Variants in RUNDC1 observed in about 807,000 individuals in gnomAD.
The protein encoded by RUNDC1 is RUN domain containing 1.
A neutral mutation model predicts 49.3 loss-of-function variants in RUNDC1; 31 were observed. The observed-to-expected ratio is 0.63, with a 90% confidence interval of 0.47 to 0.85. The LOEUF is 0.85. RUNDC1 is among the 40% of genes least tolerant of loss of function. The probability of loss-of-function intolerance (pLI) is 0.00; values close to 1 mark genes in which losing one functional copy is unlikely to be tolerated. For missense variants in RUNDC1, 715 were observed against 806.7 expected (o/e 0.89, Z 1.38); for synonymous variants, 347 against 348.6 (o/e 1.00, Z 0.05).
chr17:42,985,126 A>T (rs1029946275), intron 1 of RUNDC1, among the ~76,000 whole-genome samples: 1 of 151,970 alleles, frequency 6.6e-6, no homozygotes, highest in African/African-American at 2.4e-5. Context: ...ACCTCAGGTG[A>T]TCTGCCTGCT....
In RUNDC1 at chr17:42,989,511, C is replaced by T. The variant is rs758321386; in HGVS notation, c.828C>T (p.Asp276=). The part of the protein sequence containing the change: ...LVEQLKTQIR[D]LEMFINFIQD... ...AGCAACTGAAAACTCAGATCCGAGA[C>T]CTTGAGATGTTTATCAACTTCATCC... Residue 276 remains aspartate (D), a synonymous_variant, in exon 3 of 5, where the codon GAC becomes GAT. Coordinates refer to ENST00000361677, the MANE Select transcript of RUNDC1 (RefSeq NM_173079.5). 55 of 1,613,998 alleles carry T rather than the reference C, an allele frequency of 3.4e-5. No homozygotes were observed. The highest frequency in any genetic ancestry group is 4.0e-5 in the Non-Finnish European group (47 of 1,180,030).
rs768638303 is a variant in RUNDC1, at chr17:42,987,316, C to T, written c.559C>T (p.Leu187=). ...AAGGGAGAAGCAGAAAGAACTGATA[C>T]TGCAGCTCAAGACCCAGCTAGATGA... ...TQREKQKELI[L]QLKTQLDDLE... Residue 187 remains leucine, a synonymous_variant, in exon 2 of 5, where the codon CTG becomes TTG. Coordinates refer to ENST00000361677, the MANE Select transcript of RUNDC1 (RefSeq NM_173079.5). The T allele has an allele frequency of 1.9e-6, 3 of 1,613,988 alleles. No homozygotes were observed. The highest frequency in any genetic ancestry group is 1.1e-5 in the South Asian group (1 of 91,076).
At chr17:42,989,309 A>G in intron 2 of RUNDC1, 32 bp from the exon 3 acceptor site, 4 of 1,568,292 alleles carry the variant, frequency 2.6e-6, no homozygotes, top group Non-Finnish European at 3.5e-6. Flanking sequence ...AAAAATTCCA[A>G]AGGGTGTGCT....
intron 3 of RUNDC1, 82 bp from the exon 4 acceptor site, chr17:42,990,235 G>C (rs2050220171): frequency 1.3e-6 from 2 of 1,536,994 alleles, no homozygotes; most frequent in Non-Finnish European, 1.8e-6. Context: ...GTTTCTAATA[G>C]GCACCATTAA....
Position 42,981,094 on chromosome 17 carries a change from C to A in RUNDC1, c.498+20C>A. The A allele has an allele frequency of 6.5e-7, 1 of 1,548,178 alleles. No individual in the cohort carries two copies. The highest frequency in any genetic ancestry group is 1.2e-5 in the South Asian group (1 of 85,520). On this transcript the variant is annotated intron_variant, in intron 1 of 4. Coordinates refer to ENST00000361677, the MANE Select transcript of RUNDC1 (RefSeq NM_173079.5). ...GACCAGGTGAGTGGCTGGAGCCGGGCCGCGAGGAATATGGGAATAGTGGGG... is the reference window on the plus strand; with the variant it reads ...GACCAGGTGAGTGGCTGGAGCCGGGACGCGAGGAATATGGGAATAGTGGGG...
At position 42,992,506 on chromosome 17, in the gene RUNDC1, C is replaced by G. The variant is rs1030063450; in HGVS notation, c.*790C>G. ...ATCGCTTGAGCCCGAGAGGTGGAGA[C>G]TGCAGTAAGCCAAGATCATGCCATT... On this transcript the variant is annotated 3_prime_UTR_variant, in exon 5 of 5. Transcript: ENST00000361677. 8.5e-5 allele frequency: 12 copies of G among 141,334 alleles called. No individual in the cohort carries two copies. Among genetic ancestry groups the G allele is most frequent in the Admixed American group, 6.1e-4 (8 of 13,180 alleles). The allele number at this position is 141,334 out of a possible 1,614,324, so 8.8% of individuals were successfully genotyped here. A position where few individuals can be genotyped will look rare whatever the true frequency, so the allele number is the denominator to read the frequency against.
In RUNDC1 at chr17:42,994,763, T is replaced by C. The variant is rs2050285846; in HGVS notation, c.*3047T>C. ...CTGCAGTCAGATATCTGCTAAGCTCTGATATCATCTGTCATTACTGAGAAC... is the reference window on the plus strand; with the variant it reads ...CTGCAGTCAGATATCTGCTAAGCTCCGATATCATCTGTCATTACTGAGAAC... On this transcript the variant is annotated 3_prime_UTR_variant, in exon 5 of 5. Coordinates refer to ENST00000361677, the MANE Select transcript of RUNDC1 (RefSeq NM_173079.5). Among the ~76,000 whole-genome samples the C allele has an allele frequency of 6.6e-6, 1 of 152,186 alleles. No homozygotes were observed. Among genetic ancestry groups the C allele is most frequent in the Non-Finnish European group, 1.5e-5 (1 of 68,038 alleles).
In RUNDC1 at chr17:42,991,663, C is replaced by A. The variant is rs751166538; in HGVS notation, c.1789C>A (p.Leu597Ile). The change falls in exon 5 of 5, where the codon CTC becomes ATC. Residue 597 changes from leucine (L) to isoleucine (I), a missense_variant. By Grantham distance (5) the Leu-to-Ile change is conservative (BLOSUM62 2). Around this residue, in one of 5 missense-constraint regions of RUNDC1, gnomAD observed 425 missense variants for 499.7 expected, o/e 0.85. Coordinates refer to ENST00000361677, the MANE Select transcript of RUNDC1 (RefSeq NM_173079.5). The stretch of plus-strand genomic sequence containing the variant: ...TCGCCTCAGCAGCCTCAAGTTTAGC[C>A]TCCCTGTAGATCTGGCTGTGCGCCA... ...LSRLSSLKFSLPVDLAVRQLK... is the reference protein window; with the variant it reads ...LSRLSSLKFSIPVDLAVRQLK... 1.2e-6 allele frequency: 2 copies of A among 1,613,978 alleles called. No homozygotes were observed. Among genetic ancestry groups the A allele is most frequent in the South Asian group, 2.2e-5 (2 of 91,074 alleles).
intron 2 of RUNDC1, among the ~76,000 whole-genome samples, chr17:42,987,699 A>C (rs1302659945): frequency 6.6e-6 from 1 of 152,192 alleles, no homozygotes; most frequent in African/African-American, 2.4e-5. Context: ...TCATTTGATC[A>C]CTTAAAAAAT....
At chr17:42,989,619 C>T in intron 3 of RUNDC1, 80 bp downstream of exon 3, 2 of 1,365,206 alleles carry the variant, frequency 1.5e-6, no homozygotes, top group South Asian at 2.4e-5. Context: ...TAAAAAGGTT[C>T]TAATTCTGGT....
At chr17:42,983,880 C>T (rs2050135491) in intron 1 of RUNDC1, among the ~76,000 whole-genome samples, 1 of 151,884 alleles carries the variant, frequency 6.6e-6, no homozygotes, top group Non-Finnish European at 1.5e-5. Flanking sequence ...CCATGTCGGC[C>T]AGGCTGGTCT....
chr17:42,982,720 TC>T (rs2151956373), intron 1 of RUNDC1, among the ~76,000 whole-genome samples: 1 of 151,272 alleles, frequency 6.6e-6, no homozygotes, highest in South Asian at 2.1e-4. Context: ...ACGCCTGTAA[TC>T]CTAGCACTTT....
intron 2 of RUNDC1, 150 bp downstream of exon 2, chr17:42,987,564 T>C (rs1267705580): frequency 1.5e-6 from 1 of 675,344 alleles, no homozygotes; most frequent in East Asian, 2.5e-5. Context: ...TTTACTGCTA[T>C]GAGGAACCTT....
At chr17:42,985,430 AC>A (rs1303822887) in intron 1 of RUNDC1, among the ~76,000 whole-genome samples, 1 of 152,150 alleles carries the variant, frequency 6.6e-6, no homozygotes, top group Admixed American at 6.6e-5. Flanking sequence ...TTAAAGGAGA[AC>A]TAGGCCTTCA....
intron 1 of RUNDC1, chr17:42,985,723 C>T: frequency 1.0e-6 from 1 of 981,896 alleles, no homozygotes. Context: ...AGCCTTGCCC[C>T]TACAAATGAT....
chr17:42,991,330 CG>C lies in RUNDC1; in HGVS notation c.1457del (p.Arg486LeufsTer32). 6.2e-7 allele frequency: 1 copy of C among 1,614,204 alleles called. No homozygotes were observed. Among genetic ancestry groups the C allele is most frequent in the East Asian group, 2.2e-5 (1 of 44,888 alleles). On this transcript the variant is annotated frameshift_variant, in exon 5 of 5. Coordinates refer to ENST00000361677, the MANE Select transcript of RUNDC1 (RefSeq NM_173079.5). LOFTEE classifies it high-confidence loss of function. ...FVKYYHAKNG[R>X]AYVESPARKL... Reference sequence around the variant, plus strand: ...AAAGTACTACCATGCTAAGAACGGCCGTGCTTATGTGGAATCCCCAGCCCGG... The same window carrying C: ...AAAGTACTACCATGCTAAGAACGGCCTGCTTATGTGGAATCCCCAGCCCGG...
chr17:42,991,768 C>T lies in RUNDC1; in HGVS notation c.*52C>T, dbSNP rs764151999. 5.2e-6 allele frequency: 8 copies of T among 1,534,442 alleles called. No individual in the cohort carries two copies. The highest frequency in any genetic ancestry group is 7.0e-6 in the Non-Finnish European group (8 of 1,138,320). ...TCCTTGTTCAGTAGGGATAGATGTG[C>T]TAGTCTTCTAGCATAGGAGCAAGGA... On this transcript the variant is annotated 3_prime_UTR_variant, in exon 5 of 5. Coordinates refer to ENST00000361677, the MANE Select transcript of RUNDC1 (RefSeq NM_173079.5).
chr17:42,994,490 C>CT lies in RUNDC1; in HGVS notation c.*2775dup, dbSNP rs1401691330. On this transcript the variant is annotated 3_prime_UTR_variant, in exon 5 of 5. Transcript: ENST00000361677. The stretch of plus-strand genomic sequence containing the variant: ...GTTTTCTGAATCCAGAGCCCACAGT[C>CT]TATCTTTTCACTTCATTGTATCATG... Among the ~76,000 whole-genome samples, 26 of 152,182 alleles carry CT rather than the reference C, an allele frequency of 1.7e-4. No homozygotes were observed. Among genetic ancestry groups the CT allele is most frequent in the Non-Finnish European group, 2.9e-4 (20 of 68,030 alleles).
intron 1 of RUNDC1, among the ~76,000 whole-genome samples, chr17:42,982,967 A>C (rs932023250): frequency 6.6e-6 from 1 of 151,702 alleles, no homozygotes; most frequent in Non-Finnish European, 1.5e-5. Flanking sequence ...AGCCTGGGGC[A>C]ACAAGAGTGA....
Sources: allele counts gnomAD v4.1 joint callset (sites outside exome capture counted in the v4.1 genomes callset), GRCh38; gene constraint gnomAD v4.1.1; regional missense constraint gnomAD v4.1.1; transcripts MANE v1.5; gene names NCBI Gene and HGNC (gene_info 2026-07-23, HGNC 2026-07-21).